The following AKAP7 variants were observed in gnomAD, a reference collection of about 807,000 sequenced individuals.
AKAP7 encodes A-kinase anchoring protein 7.
AKAP7 carries 39 observed loss-of-function variants against 39.5 expected under a neutral mutation model. The ratio of observed to expected loss-of-function variants is 0.99; its 90% CI spans 0.76 to 1.29. The LOEUF is 1.29. Among genes scored for constraint, AKAP7 ranks in the 50% most tolerant of loss-of-function variants. The probability of loss-of-function intolerance (pLI) is 0.00; values close to 1 mark genes in which losing one functional copy is unlikely to be tolerated. For synonymous variants in AKAP7, 140 were observed against 139.1 expected (o/e 1.01, Z -0.05); for missense variants, 414 against 407.7 (o/e 1.02, Z -0.13).
chr6:131,263,152 T>C (rs1171092241), intron 7 of AKAP7, among the ~76,000 whole-genome samples: 2 of 152,160 alleles, frequency 1.3e-5, no homozygotes, highest in Non-Finnish European at 2.9e-5. Flanking sequence ...GTTCTAGTTT[T>C]TATTAGAAGG....
chr6:131,204,315 T>C (rs1807887243), intron 6 of AKAP7, among the ~76,000 whole-genome samples: 1 of 152,146 alleles, frequency 6.6e-6, no homozygotes, highest in South Asian at 2.1e-4. Context: ...TTATGGTAAA[T>C]CATATAAATG....
Position 131,219,787 on chromosome 6 carries a change from T to C in AKAP7, c.829T>C (p.Cys277Arg). Reference sequence around the variant, plus strand: ...AAAACAAAGTAATGGTTATTATCACTGTGAATCTTCCATTGTGATTGGTGA... The same window carrying C: ...AAAACAAAGTAATGGTTATTATCACCGTGAATCTTCCATTGTGATTGGTGA... ...KKKQSNGYYHCESSIVIGEKN... is the reference protein window; with the variant it reads ...KKKQSNGYYHRESSIVIGEKN... Residue 277 changes from cysteine to arginine, a missense_variant, in exon 7 of 8, where the codon TGT becomes CGT. Physicochemically the swap from Cys to Arg is radical, Grantham distance 180. Transcript: ENST00000431975. The C allele has an allele frequency of 6.3e-7, 1 of 1,575,972 alleles. No homozygotes were observed.
chr6:131,140,615 G>T (rs1404559346), intron 1 of AKAP7, among the ~76,000 whole-genome samples: 1 of 152,144 alleles, frequency 6.6e-6, no homozygotes, highest in Admixed American at 6.6e-5. Flanking sequence ...TGTTAAATAG[G>T]TCAATTTTTT....
intron 7 of AKAP7, among the ~76,000 whole-genome samples, chr6:131,245,532 T>A (rs1474728061): frequency 1.3e-5 from 2 of 152,004 alleles, no homozygotes; most frequent in Non-Finnish European, 2.9e-5. Flanking sequence ...CCGATTTTCT[T>A]CAGGCCCAGA....
Position 131,282,157 on chromosome 6 carries a change from G to C in AKAP7, c.*431G>C, listed in dbSNP as rs1448917827. The C allele has an allele frequency of 8.2e-7, 1 of 1,218,388 alleles. No homozygotes were observed. Among genetic ancestry groups the C allele is most frequent in the Non-Finnish European group, 1.0e-6 (1 of 979,506 alleles). 75.5% of individuals were successfully genotyped at this position (1,218,388 alleles called of 1,614,324 possible). A position where few individuals can be genotyped will look rare whatever the true frequency, so the allele number is the denominator to read the frequency against. ...AAGTGCTAAGTTTAAAATAATCACTGTTGGAATTGTCATCTGTACAATTAG... is the reference window on the plus strand; with the variant it reads ...AAGTGCTAAGTTTAAAATAATCACTCTTGGAATTGTCATCTGTACAATTAG... On this transcript the variant is annotated 3_prime_UTR_variant, in exon 8 of 8. Coordinates refer to ENST00000431975, the MANE Select transcript of AKAP7 (RefSeq NM_016377.4).
chr6:131,263,750 A>G (rs952002232), intron 7 of AKAP7, among the ~76,000 whole-genome samples: 2 of 152,144 alleles, frequency 1.3e-5, no homozygotes, highest in Non-Finnish European at 2.9e-5. Context: ...TACTTTTATA[A>G]GAGAAGGGTG....
At chr6:131,210,272 A>G (rs542124483) in intron 6 of AKAP7, among the ~76,000 whole-genome samples, 13 of 152,374 alleles carry the variant, frequency 8.5e-5, no homozygotes, top group African/African-American at 3.1e-4. Flanking sequence ...TCTTCAAAAT[A>G]CTAAACCAGT....
intron 3 of AKAP7, among the ~76,000 whole-genome samples, chr6:131,162,598 A>T (rs1339990798): frequency 6.6e-6 from 1 of 152,182 alleles, no homozygotes; most frequent in Non-Finnish European, 1.5e-5. Context: ...CATCGATAGG[A>T]TAAAGACAAC....
intron 6 of AKAP7, among the ~76,000 whole-genome samples, chr6:131,219,406 T>A (rs1384810547): frequency 2.6e-5 from 4 of 152,184 alleles, no homozygotes; most frequent in Non-Finnish European, 5.9e-5. Flanking sequence ...GCTTAAAATG[T>A]ATGAAGTTCT....
intron 7 of AKAP7, chr6:131,242,069 A>C (rs1190127042): frequency 2.0e-5 from 20 of 982,430 alleles, no homozygotes; most frequent in Non-Finnish European, 2.4e-5. Flanking sequence ...TCTGACCGTA[A>C]TATGTTTTAT....
Position 131,281,840 on chromosome 6 carries a change from T to G in AKAP7, c.*114T>G. ...AGTTAAGTTTCTCTGGTGCAATCTG[T>G]GAAGATTGCCTAATACTTTTCATGA... On this transcript the variant is annotated 3_prime_UTR_variant, in exon 8 of 8. Transcript: ENST00000431975. The surrounding 1 kb of genome is among the most constrained non-coding windows in gnomAD (Gnocchi z 4.0). 1.1e-5 allele frequency: 15 copies of G among 1,341,406 alleles called. No homozygotes were observed. The highest frequency in any genetic ancestry group is 1.4e-5 in the Non-Finnish European group (15 of 1,041,068). 83.1% of individuals were successfully genotyped at this position (1,341,406 alleles called of 1,614,324 possible).
chr6:131,128,230 G>C, the AKAP7 span, among the ~76,000 whole-genome samples: 1 of 152,126 alleles, frequency 6.6e-6, no homozygotes, highest in South Asian at 2.1e-4. Flanking sequence ...AAACGATTTA[G>C]AAGAAAAATA....
At chr6:131,276,659 T>C (rs1814770408) in intron 7 of AKAP7, among the ~76,000 whole-genome samples, 1 of 152,154 alleles carries the variant, frequency 6.6e-6, no homozygotes, top group African/African-American at 2.4e-5. Context: ...AGATACCAAA[T>C]GAGGTTTCTG....
chr6:131,149,348 G>T (rs1801727880), intron 2 of AKAP7, among the ~76,000 whole-genome samples: 1 of 152,180 alleles, frequency 6.6e-6, no homozygotes, highest in Non-Finnish European at 1.5e-5. Flanking sequence ...TAGAAATGAT[G>T]GGGAGGCTGG....
At chr6:131,192,143 A>G (rs981029683) in intron 5 of AKAP7, among the ~76,000 whole-genome samples, 7 of 152,272 alleles carry the variant, frequency 4.6e-5, no homozygotes, top group African/African-American at 1.7e-4. Context: ...CTTGTGAGAT[A>G]TAACTCAAGA....
chr6:131,182,463 T>C (rs560577294), intron 5 of AKAP7, among the ~76,000 whole-genome samples: 19 of 152,368 alleles, frequency 1.2e-4, no homozygotes, highest in Non-Finnish European at 2.4e-4. Context: ...TCATCCATGC[T>C]GTATCATGTC....
chr6:131,131,909 A>G (rs1800337099), upstream of AKAP7, among the ~76,000 whole-genome samples: 1 of 152,210 alleles, frequency 6.6e-6, no homozygotes, highest in Non-Finnish European at 1.5e-5. Context: ...GCTGAGAATG[A>G]GTTAAGGTTA....
At chr6:131,198,229 T>C (rs530605546) in intron 5 of AKAP7, among the ~76,000 whole-genome samples, 29 of 152,268 alleles carry the variant, frequency 1.9e-4, no homozygotes, top group African/African-American at 7.0e-4. Context: ...ACATAGGACA[T>C]ACAGTTACAA....
In AKAP7 at chr6:131,174,584, C is replaced by A. The variant is rs114914900; in HGVS notation, c.589+5311C>A. On this transcript the variant is annotated intron_variant, in intron 5 of 7. Coordinates refer to ENST00000431975, the MANE Select transcript of AKAP7 (RefSeq NM_016377.4). ...CTCTAGCCTGGGCAATGGAGTGAGA[C>A]CCCATCTCAAAAAAAGAATGCCTTA... Among the ~76,000 whole-genome samples, 1,264 of 152,252 alleles carry A rather than the reference C, an allele frequency of 8.3e-3. 11 individuals are homozygous for A. The highest frequency in any genetic ancestry group is 0.027 in the African/African-American group (1,112 of 41,570).
Sources: allele counts gnomAD v4.1 joint callset (sites outside exome capture counted in the v4.1 genomes callset), GRCh38; gene constraint gnomAD v4.1.1; non-coding constraint Gnocchi (gnomAD v3.1); transcripts MANE v1.5; gene names NCBI Gene and HGNC (gene_info 2026-07-23, HGNC 2026-07-21).